TMPRSS12: variants seen among roughly 807,000 people sequenced by gnomAD.
TMPRSS12 encodes transmembrane serine protease 12.
In TMPRSS12, 25 loss-of-function variants were observed where a neutral mutation model predicts 26.0. The ratio of observed to expected loss-of-function variants is 0.96; its 90% CI spans 0.70 to 1.34. The LOEUF (loss-of-function observed/expected upper bound fraction) is 1.34, where lower values mean the gene tolerates loss of function less well. Ranked by LOEUF, TMPRSS12 falls within the 40% of genes most tolerant of loss-of-function variation. The pLI, the probability that TMPRSS12 is intolerant of heterozygous loss-of-function variation, is 0.00. For missense variants in TMPRSS12, 441 were observed against 440.1 expected, an observed-to-expected ratio of 1.00 and a Z score of -0.02; for synonymous variants, 150 against 161.7, an observed-to-expected ratio of 0.93 and a Z score of 0.55.
chr12:50,866,438 G>A (rs2139728874), intron 3 of TMPRSS12, among the ~76,000 whole-genome samples: 1 of 152,058 alleles, frequency 6.6e-6, no homozygotes, highest in South Asian at 2.1e-4. Flanking sequence ...CATTGACCTG[G>A]GCACCTCACC....
intron 3 of TMPRSS12, among the ~76,000 whole-genome samples, chr12:50,877,335 A>C (rs959653360): frequency 6.6e-6 from 1 of 152,240 alleles, no homozygotes; most frequent in African/African-American, 2.4e-5. Flanking sequence ...CTTTCCCTAT[A>C]AAATCAGGAA....
intron 3 of TMPRSS12, among the ~76,000 whole-genome samples, chr12:50,881,476 A>G (rs1938163064): frequency 1.3e-5 from 2 of 151,704 alleles, no homozygotes; most frequent in African/African-American, 4.8e-5. Flanking sequence ...TAAAGCTGTA[A>G]AAAAATGACA....
chr12:50,847,467 T>A (rs1357674757), intron 2 of TMPRSS12, among the ~76,000 whole-genome samples: 2 of 152,160 alleles, frequency 1.3e-5, no homozygotes, highest in African/African-American at 2.4e-5. Context: ...CTTTTGTTTT[T>A]TTTATTTTTA....
intron 4 of TMPRSS12, chr12:50,886,365 CTT>C (rs1938226651): frequency 6.6e-6 from 1 of 152,064 alleles, no homozygotes; most frequent in Non-Finnish European, 1.5e-5. Context: ...CTTTATTCCT[CTT>C]TTCTTCACTA....
chr12:50,886,974 T>C (rs1477522498), intron 4 of TMPRSS12: 1 of 306,898 alleles, frequency 3.3e-6, no homozygotes, highest in Admixed American at 4.7e-5. Context: ...TAAGTAATTA[T>C]ATTTAAAAAT....
Position 50,858,902 on chromosome 12 carries a change from T to A in TMPRSS12, c.501T>A (p.Ser167=), listed in dbSNP as rs1937907643. 5.0e-6 allele frequency: 8 copies of A among 1,590,580 alleles called. No homozygotes were observed. The highest frequency in any genetic ancestry group is 6.9e-6 in the Non-Finnish European group (8 of 1,167,070). ...TTCATCCAAACTTCATTTTGGAATC[T>A]TATGTAAATGATATTGCACTTTTTC... ...IIIHPNFILE[S]YVNDIALFHL... The change falls in exon 3 of 5, where the codon TCT becomes TCA. Residue 167 remains serine (S), a synonymous_variant. Transcript: ENST00000398458.
intron 2 of TMPRSS12, among the ~76,000 whole-genome samples, chr12:50,845,982 C>A (rs1249909423): frequency 6.6e-6 from 1 of 152,024 alleles, no homozygotes; most frequent in Non-Finnish European, 1.5e-5. Flanking sequence ...TTGAACTGGG[C>A]TCTTTGCTTT....
chr12:50,883,421 T>C (rs1565938376), intron 3 of TMPRSS12, among the ~76,000 whole-genome samples: 1 of 152,190 alleles, frequency 6.6e-6, no homozygotes, highest in Non-Finnish European at 1.5e-5. Context: ...GCTGTGGTGG[T>C]TCACACCTGT....
chr12:50,876,869 A>G lies in TMPRSS12; in HGVS notation c.653-8377A>G, dbSNP rs576714643. On this transcript the variant is annotated intron_variant, in intron 3 of 4. Transcript: ENST00000398458. ...GTACATATGCACCATGGAATACTAT[A>G]CAGCCATAAAAAAACAGAATCATGT... Among the ~76,000 whole-genome samples the G allele has an allele frequency of 4.4e-4, 67 of 151,910 alleles. 2 individuals carry two copies. The South Asian group carries it at 0.013, about 30-fold the overall frequency.
intron 3 of TMPRSS12, among the ~76,000 whole-genome samples, chr12:50,862,778 T>A (rs996007428): frequency 1.3e-5 from 2 of 151,876 alleles, no homozygotes; most frequent in Non-Finnish European, 2.9e-5. Context: ...CTGCCCACCT[T>A]GGCCTCCCAA....
At chr12:50,870,827 A>G (rs564650152) in intron 3 of TMPRSS12, among the ~76,000 whole-genome samples, 1 of 149,472 alleles carries the variant, frequency 6.7e-6, no homozygotes, top group African/African-American at 2.5e-5. Flanking sequence ...CAAATCAAGA[A>G]CTCAACCCTT....
intron 2 of TMPRSS12, among the ~76,000 whole-genome samples, chr12:50,847,715 G>T (rs987749864): frequency 6.6e-6 from 1 of 151,906 alleles, no homozygotes; most frequent in Non-Finnish European, 1.5e-5. Context: ...GGCCAACATG[G>T]TGAAACCCTG....
chr12:50,867,632 G>T (rs1399916776), intron 3 of TMPRSS12, among the ~76,000 whole-genome samples: 1 of 152,166 alleles, frequency 6.6e-6, no homozygotes, highest in Non-Finnish European at 1.5e-5. Context: ...GAACACTTGA[G>T]AAATTCTTTG....
intron 2 of TMPRSS12, among the ~76,000 whole-genome samples, chr12:50,847,556 A>C: frequency 6.6e-6 from 1 of 152,100 alleles, no homozygotes; most frequent in East Asian, 1.9e-4. Context: ...TAAATGAATA[A>C]ATGAAAATAC....
At chr12:50,882,031 A>T (rs369082803) in intron 3 of TMPRSS12, among the ~76,000 whole-genome samples, 2 of 113,784 alleles carry the variant, frequency 1.8e-5, no homozygotes, top group Non-Finnish European at 1.8e-5. Context: ...ATATATATAT[A>T]TATATATATA....
At chr12:50,872,663 A>C (rs1383827207) in intron 3 of TMPRSS12, among the ~76,000 whole-genome samples, 1 of 92,938 alleles carries the variant, frequency 1.1e-5, no homozygotes, top group African/African-American at 4.0e-5. Context: ...TATGACGTAT[A>C]TGTACATATA....
At position 50,845,958 on chromosome 12, in the gene TMPRSS12, T is replaced by C. The variant is rs549123219; in HGVS notation, c.383+1921T>C. On this transcript the variant is annotated intron_variant, in intron 2 of 4. Coordinates refer to ENST00000398458, the MANE Select transcript of TMPRSS12 (RefSeq NM_182559.3). The stretch of plus-strand genomic sequence containing the variant: ...TTCTTTGGAGGAATGTCTATTCAAG[T>C]CCTTTGTCCATTTTTGAACTGGGCT... Among the ~76,000 whole-genome samples, 14 of 152,342 alleles carry C rather than the reference T, an allele frequency of 9.2e-5. No individual in the cohort carries two copies. In the East Asian group the frequency reaches 2.7e-3, roughly 29 times the overall value.
chr12:50,870,367 T>A (rs944813320), intron 3 of TMPRSS12, among the ~76,000 whole-genome samples: 6 of 150,294 alleles, frequency 4.0e-5, no homozygotes, highest in Admixed American at 2.0e-4. Flanking sequence ...ATCATCTCAA[T>A]AGATGCAGAA....
At chr12:50,875,736 A>G (rs1938107719) in intron 3 of TMPRSS12, among the ~76,000 whole-genome samples, 1 of 152,136 alleles carries the variant, frequency 6.6e-6, no homozygotes, top group Non-Finnish European at 1.5e-5. Flanking sequence ...TCCTATCACC[A>G]TATGCAAAAA....
Sources: gnomAD v4.1 joint callset for allele counts (sites outside exome capture counted in the v4.1 genomes callset) on GRCh38, gnomAD v4.1.1 for gene constraint, MANE v1.5 for transcripts, NCBI Gene and HGNC (gene_info 2026-07-23, HGNC 2026-07-21) for gene names.